The following FAM76B variants were observed in gnomAD, a reference collection of about 807,000 sequenced individuals.
The protein encoded by FAM76B is family with sequence similarity 76 member B, also known as protein FAM76B.
FAM76B carries 16 observed loss-of-function variants against 51.8 expected under a neutral mutation model. The ratio of observed to expected loss-of-function variants is 0.31; its 90% CI spans 0.21 to 0.47. The LOEUF (loss-of-function observed/expected upper bound fraction) is 0.47. Ranked by LOEUF, FAM76B falls within the 20% of genes least tolerant of loss-of-function variation. The pLI is 1.00. For synonymous variants in FAM76B, 166 were observed against 129.5 expected (o/e 1.28, Z -1.91); for missense variants, 342 against 392.6 (o/e 0.87, Z 1.09).
chr11:95,788,579 A>T lies in FAM76B; in HGVS notation c.88-16T>A. ...TCCGACATTCCTGTAATAAGACAAT[A>T]CATTAGTCAGTATCTTTCTGAAAGT... On this transcript the variant is annotated splice_polypyrimidine_tract_variant and intron_variant, in intron 1 of 9. Transcript: ENST00000358780. 6.2e-7 allele frequency: 1 copy of T among 1,605,208 alleles called. No homozygotes were observed. Among genetic ancestry groups the T allele is most frequent in the Non-Finnish European group, 8.5e-7 (1 of 1,174,104 alleles).
chr11:95,783,238 G>A lies in FAM76B; in HGVS notation c.390C>T (p.Leu130=). 2 of 1,613,068 alleles carry A rather than the reference G, an allele frequency of 1.2e-6. No homozygotes were observed. Among genetic ancestry groups the A allele is most frequent in the Non-Finnish European group, 1.7e-6 (2 of 1,179,834 alleles). Residue 130 remains leucine (L), a synonymous_variant, in exon 5 of 10, where the codon CTC becomes CTT. Transcript: ENST00000358780. ...RKVDGKLLCW[L]CTLSYKRVLQ... Reference sequence around the variant, plus strand: ...AAACTCTTTTGTACGATAAAGTACAGAGCCAGCATAATAACTTTCCATCAA... The same window carrying A: ...AAACTCTTTTGTACGATAAAGTACAAAGCCAGCATAATAACTTTCCATCAA...
In FAM76B at chr11:95,786,285, T is replaced by A. The variant is rs776836967; in HGVS notation, c.208-11A>T. On this transcript the variant is annotated splice_polypyrimidine_tract_variant and intron_variant, in intron 3 of 9. Transcript: ENST00000358780. ...CTGACAAGGCTTGGGCTGAAAAACATACACATTTTGAGACTTTTAAAAACA... is the reference window on the plus strand; with the variant it reads ...CTGACAAGGCTTGGGCTGAAAAACAAACACATTTTGAGACTTTTAAAAACA... 2.5e-6 allele frequency: 4 copies of A among 1,613,398 alleles called. No individual in the cohort carries two copies. In the South Asian group the frequency reaches 4.4e-5, roughly 18 times the overall value.
intron 3 of FAM76B, among the ~76,000 whole-genome samples, chr11:95,787,164 C>T (rs1166636523): frequency 6.6e-6 from 1 of 152,150 alleles, no homozygotes; most frequent in African/African-American, 2.4e-5. Flanking sequence ...ATGTTATCAC[C>T]TTTCCATCAA....
At chr11:95,784,385 A>G (rs1330177707) in intron 4 of FAM76B, among the ~76,000 whole-genome samples, 2 of 152,118 alleles carry the variant, frequency 1.3e-5, no homozygotes, top group African/African-American at 4.8e-5. Context: ...ACAAACCTCC[A>G]TGACACAAGT....
intron 7 of FAM76B, 79 bp downstream of exon 7, chr11:95,779,528 T>TA: frequency 8.6e-7 from 1 of 1,167,356 alleles, no homozygotes; most frequent in Non-Finnish European, 1.2e-6. Context: ...TCTATTTTTT[T>TA]ATCTAGTAAT....
At chr11:95,779,530 T>C (rs924289097) in intron 7 of FAM76B, 77 bp downstream of exon 7, 20 of 1,181,228 alleles carry the variant, frequency 1.7e-5, no homozygotes, top group Non-Finnish European at 2.4e-5. Context: ...TATTTTTTTA[T>C]CTAGTAATAA....
At position 95,789,531 on chromosome 11, in the gene FAM76B, CG is replaced by C; in HGVS notation, c.-54del. 6.6e-7 allele frequency: 1 copy of C among 1,524,958 alleles called. No homozygotes were observed. Among genetic ancestry groups the C allele is most frequent in the Non-Finnish European group, 8.9e-7 (1 of 1,128,378 alleles). The allele number at this position is 1,524,958 out of a possible 1,614,324, so 94.5% of individuals were successfully genotyped here. On this transcript the variant is annotated 5_prime_UTR_variant, in exon 1 of 10. Transcript: ENST00000358780. ...CCGCCCGCTCCGAGGCGGGGCCCTA[CG>C]GAGAACCCGAGAGCCGCCGCCGCCC...
chr11:95,784,720 T>C (rs1860465444), intron 4 of FAM76B, among the ~76,000 whole-genome samples: 1 of 151,978 alleles, frequency 6.6e-6, no homozygotes, highest in Non-Finnish European at 1.5e-5. Context: ...CCTGAGTAGC[T>C]GGGACTATAG....
chr11:95,771,905 G>T (rs1023159271), intron 9 of FAM76B, among the ~76,000 whole-genome samples: 1 of 150,920 alleles, frequency 6.6e-6, no homozygotes, highest in East Asian at 1.9e-4. Context: ...TGCACAATTG[G>T]TTACAAAAAA....
chr11:95,776,376 A>T (rs1440733885), intron 8 of FAM76B, among the ~76,000 whole-genome samples: 1 of 151,564 alleles, frequency 6.6e-6, no homozygotes, highest in Non-Finnish European at 1.5e-5. Flanking sequence ...TACTTCAATA[A>T]TAGTAAAAAC....
At chr11:95,786,013 G>T in intron 4 of FAM76B, 106 bp downstream of exon 4, 2 of 1,365,742 alleles carry the variant, frequency 1.5e-6, no homozygotes, top group Non-Finnish European at 2.0e-6. Flanking sequence ...TGCTTTCATG[G>T]ACCTAAAGAA....
At chr11:95,785,983 T>A (rs1188497367) in intron 4 of FAM76B, 136 bp downstream of exon 4, 34 of 1,018,052 alleles carry the variant, frequency 3.3e-5, no homozygotes, top group Non-Finnish European at 4.5e-5. Context: ...TCACTATTCC[T>A]GCACTTTCAT....
rs1860859627 is a variant in FAM76B at position 95,789,475 on chromosome 11, C to T, written c.4G>A (p.Ala2Thr). The T allele has an allele frequency of 1.9e-6, 3 of 1,603,332 alleles. No homozygotes were observed. The highest frequency in any genetic ancestry group is 1.7e-6 in the Non-Finnish European group (2 of 1,175,578). M[A>T]ASALYACTKC... ...GTGCAGGCGTACAGGGCCGAGGCCGCCATCCTGCTCCTCAGTCTCCTCCTC... is the reference window on the plus strand; with the variant it reads ...GTGCAGGCGTACAGGGCCGAGGCCGTCATCCTGCTCCTCAGTCTCCTCCTC... The change falls in exon 1 of 10, where the codon GCG becomes ACG. Residue 2 changes from alanine to threonine, a missense_variant. Ala to Thr is a moderately conservative substitution (Grantham distance 58). This residue lies in a region of FAM76B where 96 missense variants were observed against 94.7 expected (regional missense o/e 1.01). Coordinates refer to ENST00000358780, the MANE Select transcript of FAM76B (RefSeq NM_144664.5).
intron 5 of FAM76B, among the ~76,000 whole-genome samples, chr11:95,780,505 T>C (rs1280703601): frequency 6.6e-6 from 1 of 152,010 alleles, no homozygotes; most frequent in Non-Finnish European, 1.5e-5. Flanking sequence ...TAGTAACAAA[T>C]TATTTTACTT....
intron 9 of FAM76B, among the ~76,000 whole-genome samples, chr11:95,774,221 A>G (rs1396794287): frequency 6.6e-6 from 1 of 151,544 alleles, no homozygotes; most frequent in Non-Finnish European, 1.5e-5. Context: ...TTTCTACGTC[A>G]CCGCTTACTG....
In FAM76B at chr11:95,770,325, G is replaced by A. The variant is rs780751996; in HGVS notation, c.*1236C>T. The A allele has an allele frequency of 1.3e-5, 2 of 151,658 alleles. No homozygotes were observed. The highest frequency in any genetic ancestry group is 6.6e-5 in the Admixed American group (1 of 15,148). 9.4% of individuals were successfully genotyped at this position (151,658 alleles called of 1,614,324 possible). The stretch of plus-strand genomic sequence containing the variant: ...TTACTTATAATGCCTGAATCTTATA[G>A]TAGATTCCAATTTATTCAAAGATTA... On this transcript the variant is annotated 3_prime_UTR_variant, in exon 10 of 10. Transcript: ENST00000358780.
chr11:95,779,728 A>C, intron 6 of FAM76B, 41 bp from the exon 7 acceptor site: 1 of 1,590,352 alleles, frequency 6.3e-7, no homozygotes, highest in Non-Finnish European at 8.6e-7. Context: ...AGTAAAAAGG[A>C]CAGAGAAACC....
intron 9 of FAM76B, among the ~76,000 whole-genome samples, chr11:95,774,190 A>G (rs968233958): frequency 5.9e-5 from 9 of 151,310 alleles, no homozygotes; most frequent in African/African-American, 2.2e-4. Context: ...GTATAGATAA[A>G]CTGGAGTGAG....
chr11:95,772,199 T>G (rs1286308680), intron 9 of FAM76B, among the ~76,000 whole-genome samples: 1 of 151,122 alleles, frequency 6.6e-6, no homozygotes, highest in Non-Finnish European at 1.5e-5. Flanking sequence ...CAATTTTTTT[T>G]AAAGCACCCA....
Sources: allele counts gnomAD v4.1 joint callset (sites outside exome capture counted in the v4.1 genomes callset), GRCh38; gene constraint gnomAD v4.1.1; regional missense constraint gnomAD v4.1.1; transcripts MANE v1.5; gene names NCBI Gene and HGNC (gene_info 2026-07-23, HGNC 2026-07-21).